Variants in LRP6 observed in about 807,000 individuals in gnomAD.
LRP6 encodes low-density lipoprotein receptor-related protein 6.
LRP6 carries 43 observed loss-of-function variants against 184.1 expected under a neutral mutation model. The observed-to-expected ratio is 0.23, with a 90% CI of 0.18 to 0.30. LRP6 has a LOEUF of 0.30. Ranked by LOEUF, LRP6 falls within the 10% of genes least tolerant of loss-of-function variation. The pLI, the probability that LRP6 is intolerant of heterozygous loss-of-function variation, is 1.00. For missense variants in LRP6, 1,571 were observed against 2,005.3 expected (o/e 0.78, Z 4.14); for synonymous variants, 719 against 684.9 (o/e 1.05, Z -0.78).
chr12:12,204,436 G>A (rs1440423173), intron 2 of LRP6, among the ~76,000 whole-genome samples: 1 of 152,062 alleles, frequency 6.6e-6, no homozygotes, highest in African/African-American at 2.4e-5. Flanking sequence ...CAAAACTGAT[G>A]TAGTGTCAAA....
intron 15 of LRP6, among the ~76,000 whole-genome samples, chr12:12,140,603 A>T (rs954342974): frequency 1.0e-4 from 11 of 104,972 alleles, no homozygotes; most frequent in African/African-American, 3.1e-4. Flanking sequence ...GATTTTAAAA[A>T]TCTTTTTTTT....
Position 12,118,516 on chromosome 12 carries a change from C to T in LRP6, c.*2610G>A, listed in dbSNP as rs962428267. ...TCCCCCTTGGACAATGAATTTAATA[C>T]ACCAAATTTAAAAATCCCTTTTCTT... On this transcript the variant is annotated 3_prime_UTR_variant, in exon 23 of 23. Transcript: ENST00000261349. The T allele has an allele frequency of 6.6e-6, 1 of 152,146 alleles. No homozygotes were observed. The highest frequency in any genetic ancestry group is 1.5e-5 in the Non-Finnish European group (1 of 68,020). The allele number at this position is 152,146 out of a possible 1,614,324, so 9.4% of individuals were successfully genotyped here.
intron 18 of LRP6, 88 bp downstream of exon 18, chr12:12,131,733 A>G (rs1258025751): frequency 9.3e-7 from 1 of 1,079,226 alleles, no homozygotes; most frequent in Non-Finnish European, 1.4e-6. Flanking sequence ...AAAAACCCCA[A>G]CTGACACTAA....
intron 3 of LRP6, among the ~76,000 whole-genome samples, chr12:12,197,228 A>G (rs1244866162): frequency 6.6e-6 from 1 of 152,234 alleles, no homozygotes; most frequent in African/African-American, 2.4e-5. Flanking sequence ...TCTTTCTGAA[A>G]TGACCCTAAA....
chr12:12,253,286 T>C (rs531802212), intron 1 of LRP6, among the ~76,000 whole-genome samples: 1 of 152,154 alleles, frequency 6.6e-6, no homozygotes, highest in Admixed American at 6.5e-5. Flanking sequence ...TAAAATAAAG[T>C]TAATCATTAC....
At chr12:12,140,061 A>G (rs918268814) in intron 15 of LRP6, among the ~76,000 whole-genome samples, 5 of 152,198 alleles carry the variant, frequency 3.3e-5, no homozygotes, top group African/African-American at 9.6e-5. Flanking sequence ...TAAGCCTCAT[A>G]CTAAATACAA....
At chr12:12,262,557 C>CAAAAAA (rs57218812) in intron 1 of LRP6, among the ~76,000 whole-genome samples, 27 of 74,480 alleles carry the variant, frequency 3.6e-4, no homozygotes, top group African/African-American at 1.3e-3. Context: ...GACTCCGTCT[C>CAAAAAA]AAAAAAAAAA....
intron 2 of LRP6, among the ~76,000 whole-genome samples, chr12:12,212,948 G>C (rs1355824955): frequency 6.6e-6 from 1 of 152,124 alleles, no homozygotes; most frequent in Non-Finnish European, 1.5e-5. Flanking sequence ...ATGCCGCAGG[G>C]ACAAATGCCA....
At chr12:12,261,766 T>G (rs995009401) in intron 1 of LRP6, among the ~76,000 whole-genome samples, 1 of 152,144 alleles carries the variant, frequency 6.6e-6, no homozygotes, top group Non-Finnish European at 1.5e-5. Flanking sequence ...ATTCTCCTGA[T>G]TGCCACTCCA....
At chr12:12,151,426 A>C (rs1032730355) in intron 12 of LRP6, among the ~76,000 whole-genome samples, 1 of 151,950 alleles carries the variant, frequency 6.6e-6, no homozygotes, top group African/African-American at 2.4e-5. Context: ...TATAAATTAA[A>C]GCAGAAACTT....
intron 2 of LRP6, among the ~76,000 whole-genome samples, chr12:12,203,707 G>A (rs779282918): frequency 6.6e-6 from 1 of 152,170 alleles, no homozygotes; most frequent in Admixed American, 6.5e-5. Flanking sequence ...GGCGGAGGTT[G>A]CAGTAAGCTG....
Position 12,165,230 on chromosome 12 carries a change from T to A in LRP6, c.1611A>T (p.Gly537=). The A allele has an allele frequency of 6.2e-7, 1 of 1,613,998 alleles. No individual in the cohort carries two copies. The highest frequency in any genetic ancestry group is 1.3e-5 in the African/African-American group (1 of 75,008). The change falls in exon 8 of 23, where the codon GGA becomes GGT. Residue 537 remains glycine (G), a synonymous_variant. Coordinates refer to ENST00000261349, the MANE Select transcript of LRP6 (RefSeq NM_002336.3). ...LVEDKIPHIF[G]FTLLGDYVYW... Reference sequence around the variant, plus strand: ...AAACATAGTCACCCAACAAAGTAAATCCAAATATGTGAGGAATTTTGTCTT... The same window carrying A: ...AAACATAGTCACCCAACAAAGTAAAACCAAATATGTGAGGAATTTTGTCTT...
At chr12:12,255,220 A>C (rs1438573313) in intron 1 of LRP6, among the ~76,000 whole-genome samples, 1 of 152,076 alleles carries the variant, frequency 6.6e-6, no homozygotes, top group Non-Finnish European at 1.5e-5. Flanking sequence ...TTCTCCCCAC[A>C]AATTCCTAAA....
chr12:12,238,561 T>A (rs1864980307), intron 2 of LRP6, among the ~76,000 whole-genome samples: 1 of 152,004 alleles, frequency 6.6e-6, no homozygotes, highest in Non-Finnish European at 1.5e-5. Flanking sequence ...AAATGATAAA[T>A]TACAATGCAA....
intron 2 of LRP6, among the ~76,000 whole-genome samples, chr12:12,221,403 G>GT (rs935144230): frequency 5.9e-5 from 9 of 152,140 alleles, no homozygotes; most frequent in African/African-American, 2.2e-4. Context: ...GCTTTAGCAT[G>GT]TTTAAGACTA....
chr12:12,263,661 A>C (rs117775212), intron 1 of LRP6, among the ~76,000 whole-genome samples: 6,268 of 151,972 alleles, frequency 0.041, 178 homozygotes, highest in Middle Eastern at 0.16. Context: ...TGGGCAACAT[A>C]GCAAAACTCT....
At chr12:12,161,542 A>G in intron 10 of LRP6, among the ~76,000 whole-genome samples, 1 of 152,168 alleles carries the variant, frequency 6.6e-6, no homozygotes, top group Non-Finnish European at 1.5e-5. Flanking sequence ...AGTTGCTGGG[A>G]TTACAAGCGT....
At chr12:12,155,930 G>T (rs1448123958) in intron 12 of LRP6, among the ~76,000 whole-genome samples, 2 of 151,910 alleles carry the variant, frequency 1.3e-5, no homozygotes, top group African/African-American at 2.4e-5. Context: ...AATTTCTTGA[G>T]TATCTACCAC....
At chr12:12,136,461 G>A (rs1949841734) in intron 16 of LRP6, among the ~76,000 whole-genome samples, 1 of 152,184 alleles carries the variant, frequency 6.6e-6, no homozygotes, top group African/African-American at 2.4e-5. Flanking sequence ...TACTATAAAT[G>A]TCTAACTTCC....
Sources: allele counts gnomAD v4.1 joint callset (sites outside exome capture counted in the v4.1 genomes callset), GRCh38; gene constraint gnomAD v4.1.1; transcripts MANE v1.5; gene names NCBI Gene and HGNC (gene_info 2026-07-23, HGNC 2026-07-21).